The following ATRN variants were observed in gnomAD, a reference collection of about 807,000 sequenced individuals.
The protein encoded by ATRN is attractin, also known as attractin-2.
A neutral mutation model predicts 178.7 loss-of-function variants in ATRN; 54 were observed. The observed-to-expected ratio is 0.30, with a 90% confidence interval of 0.24 to 0.38. The LOEUF (loss-of-function observed/expected upper bound fraction) is 0.38. ATRN is among the 10% of genes least tolerant of loss of function. The probability of loss-of-function intolerance (pLI) is 1.00; values close to 1 mark genes in which losing one functional copy is unlikely to be tolerated. For synonymous variants in ATRN, 636 were observed against 663.0 expected (o/e 0.96, Z 0.63); for missense variants, 1,443 against 1,815.1 (o/e 0.79, Z 3.73).
chr20:3,616,136 A>G (rs981837555), intron 24 of ATRN, among the ~76,000 whole-genome samples: 3 of 151,518 alleles, frequency 2.0e-5, no homozygotes, highest in Admixed American at 6.6e-5. Flanking sequence ...TCAGCTCTTT[A>G]ATGCTATTGT....
chr20:3,515,775 G>A (rs1349139870), intron 1 of ATRN, among the ~76,000 whole-genome samples: 1 of 152,164 alleles, frequency 6.6e-6, no homozygotes, highest in Non-Finnish European at 1.5e-5. Context: ...GAAGGTAAAA[G>A]TATTGGGTGA....
chr20:3,614,380 G>C (rs912224348), intron 24 of ATRN, among the ~76,000 whole-genome samples: 2 of 152,188 alleles, frequency 1.3e-5, no homozygotes, highest in Admixed American at 1.3e-4. Context: ...GCTCTGGCTC[G>C]TTCCCGACTC....
chr20:3,527,095 TAA>T (rs1352851449), intron 1 of ATRN, among the ~76,000 whole-genome samples: 1 of 152,064 alleles, frequency 6.6e-6, no homozygotes, highest in African/African-American at 2.4e-5. Flanking sequence ...CTAATTAAAC[TAA>T]AGAGCTTCTG....
In ATRN at chr20:3,647,007, A is replaced by T; in HGVS notation, c.*160A>T. On this transcript the variant is annotated 3_prime_UTR_variant, in exon 29 of 29. Transcript: ENST00000262919. ...CCTGCATGATCACAAGCTTTCTTTG[A>T]CGGTTTCTCCCATCCGTGTTCCAGC... The T allele has an allele frequency of 1.0e-6, 1 of 972,014 alleles. No homozygotes were observed. The highest frequency in any genetic ancestry group is 1.4e-6 in the Non-Finnish European group (1 of 694,838). The allele number at this position is 972,014 out of a possible 1,614,324, so 60.2% of individuals were successfully genotyped here.
chr20:3,641,124 G>A (rs977749040), intron 27 of ATRN, among the ~76,000 whole-genome samples: 3 of 152,204 alleles, frequency 2.0e-5, no homozygotes, highest in Admixed American at 1.3e-4. Context: ...AAAATGGGGA[G>A]TTAGTGTTTA....
chr20:3,599,889 G>GA (rs2086586207), intron 22 of ATRN, among the ~76,000 whole-genome samples: 2 of 152,208 alleles, frequency 1.3e-5, no homozygotes, highest in Non-Finnish European at 2.9e-5. Flanking sequence ...TGCTTTGTGA[G>GA]AGAAACTTCT....
At chr20:3,522,936 A>G (rs576955839) in intron 1 of ATRN, among the ~76,000 whole-genome samples, 1 of 152,208 alleles carries the variant, frequency 6.6e-6, no homozygotes, top group African/African-American at 2.4e-5. Context: ...CCAAAGGTAG[A>G]TAAATCCACG....
intron 25 of ATRN, among the ~76,000 whole-genome samples, chr20:3,630,705 T>C (rs997412572): frequency 1.3e-5 from 2 of 152,162 alleles, no homozygotes; most frequent in Non-Finnish European, 2.9e-5. Context: ...CATGGCCTCT[T>C]GTGTAGTAAA....
intron 4 of ATRN, among the ~76,000 whole-genome samples, chr20:3,546,224 G>C (rs1365611331): frequency 6.6e-6 from 1 of 152,162 alleles, no homozygotes; most frequent in Non-Finnish European, 1.5e-5. Context: ...ACAAAGTACA[G>C]CTCCACAAAT....
intron 25 of ATRN, among the ~76,000 whole-genome samples, chr20:3,630,341 GTC>G (rs1363605198): frequency 6.6e-6 from 1 of 152,110 alleles, no homozygotes; most frequent in East Asian, 1.9e-4. Context: ...GCAGTGCACT[GTC>G]TCTCGTTCAC....
At chr20:3,592,555 C>CATA in intron 19 of ATRN, 1 of 845,460 alleles carries the variant, frequency 1.2e-6, no homozygotes, top group Non-Finnish European at 1.4e-6. Flanking sequence ...AGCCAAAAAA[C>CATA]ATAATGAGTA....
intron 23 of ATRN, among the ~76,000 whole-genome samples, chr20:3,602,824 G>A (rs924263436): frequency 6.6e-6 from 1 of 151,862 alleles, no homozygotes; most frequent in Non-Finnish European, 1.5e-5. Context: ...CTAGCTGGGT[G>A]TGGTGGGGCG....
chr20:3,526,404 T>C (rs565337686), intron 1 of ATRN, among the ~76,000 whole-genome samples: 8 of 152,088 alleles, frequency 5.3e-5, no homozygotes, highest in Non-Finnish European at 1.2e-4. Context: ...AAGGACCTCT[T>C]CAAGAACTAC....
chr20:3,624,792 C>T (rs537031839), intron 25 of ATRN, among the ~76,000 whole-genome samples: 2 of 152,322 alleles, frequency 1.3e-5, no homozygotes, highest in African/African-American at 4.8e-5. Context: ...GTTCTGGCTT[C>T]CAGCGGGGGG....
intron 18 of ATRN, among the ~76,000 whole-genome samples, chr20:3,587,662 G>T (rs1328470491): frequency 1.3e-5 from 2 of 152,108 alleles, no homozygotes; most frequent in East Asian, 3.8e-4. Flanking sequence ...GGAAGGCTAA[G>T]TCCTCCACCT....
rs193040966 is a variant in ATRN at position 3,578,502 on chromosome 20, T to C, written c.2354-80T>C. On this transcript the variant is annotated intron_variant, in intron 14 of 28. Transcript: ENST00000262919. The stretch of plus-strand genomic sequence containing the variant: ...TTAAATTAGAAAGGCCATTTCGGTA[T>C]TCAGTAATTTGAACTCATAATACAG... 5.0e-4 allele frequency: 630 copies of C among 1,270,234 alleles called. 2 individuals are homozygous for C. The African/African-American group carries it at 8.7e-3, about 17-fold the overall frequency. 78.7% of individuals were successfully genotyped at this position (1,270,234 alleles called of 1,614,324 possible).
chr20:3,557,441 T>G (rs2085893020), intron 6 of ATRN, among the ~76,000 whole-genome samples: 1 of 152,234 alleles, frequency 6.6e-6, no homozygotes. Flanking sequence ...AAGAATAGTG[T>G]ACCCAGCCAA....
chr20:3,492,868 T>C (rs6115923), intron 1 of ATRN, among the ~76,000 whole-genome samples: 28,006 of 105,614 alleles, frequency 0.27, 3,197 homozygotes, highest in African/African-American at 0.42. Flanking sequence ...CGCGCGCGCG[T>C]GCGCACGCAC....
chr20:3,490,071 G>A (rs1237870499), intron 1 of ATRN: 3 of 1,245,582 alleles, frequency 2.4e-6, no homozygotes, highest in South Asian at 2.4e-5. Context: ...CAATGTCTTT[G>A]TTCTCTCAAT....
Sources: gnomAD v4.1 joint callset for allele counts (sites outside exome capture counted in the v4.1 genomes callset) on GRCh38, gnomAD v4.1.1 for gene constraint, MANE v1.5 for transcripts, NCBI Gene and HGNC (gene_info 2026-07-23, HGNC 2026-07-21) for gene names.